The following PSMD8 variants were observed in gnomAD, a reference collection of about 807,000 sequenced individuals.
PSMD8 encodes proteasome 26S subunit, non-ATPase 8, also known as 26S proteasome non-ATPase regulatory subunit 8.
Under a neutral mutation model 40.0 loss-of-function variants are expected in PSMD8, and 30 were observed. The observed-to-expected ratio is 0.75, with a 90% confidence interval of 0.56 to 1.02. The LOEUF is 1.02. PSMD8 is among the 50% of genes least tolerant of loss of function. The pLI is 0.00. For synonymous variants in PSMD8, 208 were observed against 192.5 expected (o/e 1.08, Z -0.67); for missense variants, 461 against 463.9 (o/e 0.99, Z 0.06).
At chr19:38,380,583 G>A (rs1214848626) in intron 4 of PSMD8, among the ~76,000 whole-genome samples, 2 of 150,506 alleles carry the variant, frequency 1.3e-5, no homozygotes, top group Non-Finnish European at 3.0e-5. Context: ...TGGAGCCAGC[G>A]CTGTCTCCCT....
At position 38,380,723 on chromosome 19, in the gene PSMD8, T is replaced by TGTGTGTGTGCGCGCGTGCGCGC. The variant is rs575195574; in HGVS notation, c.703-169_703-168insTGCGCGCGTGCGCGCGTGTGTG. 7.7e-4 allele frequency among the ~76,000 whole-genome samples: 111 copies of TGTGTGTGTGCGCGCGTGCGCGC among 143,996 alleles called. 1 individual carries two copies. Among genetic ancestry groups the TGTGTGTGTGCGCGCGTGCGCGC allele is most frequent in the African/African-American group, 2.6e-3 (102 of 39,498 alleles). 94.5% of individuals were successfully genotyped at this position (143,996 alleles called of 152,430 possible). ...GAGAGAGAGAGTGTGTGTGTGTGTGTGTGTGTGCGCATAAACCAGCAAGGG... is the reference window on the plus strand; with the variant it reads ...GAGAGAGAGAGTGTGTGTGTGTGTGTGTGTGTGTGCGCGCGTGCGCGCGTGTGTGCGCATAAACCAGCAAGGG... On this transcript the variant is annotated intron_variant, in intron 4 of 6. Coordinates refer to ENST00000215071, the MANE Select transcript of PSMD8 (RefSeq NM_002812.5).
intron 3 of PSMD8, among the ~76,000 whole-genome samples, chr19:38,378,562 G>A (rs1362783548): frequency 6.6e-6 from 1 of 151,074 alleles, no homozygotes; most frequent in African/African-American, 2.4e-5. Context: ...TGTAGTCCCA[G>A]CTACTTTGGA....
intron 3 of PSMD8, among the ~76,000 whole-genome samples, chr19:38,376,953 G>T (rs992183794): frequency 1.3e-5 from 2 of 152,214 alleles, no homozygotes; most frequent in African/African-American, 4.8e-5. Context: ...GCTTGGAACT[G>T]TCTCAGTTAC....
Position 38,374,717 on chromosome 19 carries a change from C to T in PSMD8, c.116C>T (p.Pro39Leu), listed in dbSNP as rs1487288093. 4 of 1,546,626 alleles carry T rather than the reference C, an allele frequency of 2.6e-6. No homozygotes were observed. Among genetic ancestry groups the T allele is most frequent in the Admixed American group, 3.9e-5 (2 of 51,482 alleles). The change falls in exon 1 of 7, where the codon CCC becomes CTC. Residue 39 changes from proline (P) to leucine (L), a missense_variant. Physicochemically the swap from Pro to Leu is moderately conservative, Grantham distance 98. Transcript: ENST00000215071. ...PPRALGSTSR[P>L]HFRRASVCRR... Reference sequence around the variant, plus strand: ...CGGGCCTTGGGCTCCACCTCTCGGCCCCACTTCCGCCGGGCAAGCGTTTGT... The same window carrying T: ...CGGGCCTTGGGCTCCACCTCTCGGCTCCACTTCCGCCGGGCAAGCGTTTGT...
intron 4 of PSMD8, among the ~76,000 whole-genome samples, chr19:38,379,881 A>G (rs919330289): frequency 6.6e-6 from 1 of 152,198 alleles, no homozygotes; most frequent in East Asian, 1.9e-4. Flanking sequence ...GGACTGCTTG[A>G]GCCCAGGAGT....
chr19:38,374,834 C>A lies in PSMD8; in HGVS notation c.233C>A (p.Ser78Tyr). The A allele has an allele frequency of 6.3e-7, 1 of 1,576,336 alleles. No individual in the cohort carries two copies. Among genetic ancestry groups the A allele is most frequent in the South Asian group, 1.1e-5 (1 of 87,690 alleles). The change falls in exon 1 of 7, where the codon TCC (serine) becomes TAC (tyrosine). Residue 78 changes from serine (S) to tyrosine (Y), a missense_variant. Ser to Tyr is a moderately radical substitution (Grantham distance 144). Coordinates refer to ENST00000215071, the MANE Select transcript of PSMD8 (RefSeq NM_002812.5). Reference protein sequence around the residue: ...AVNGAAGFSSSGPAATSGAVL... With the variant: ...AVNGAAGFSSYGPAATSGAVL... Reference sequence around the variant, plus strand: ...AACGGGGCGGCAGGCTTCTCGAGCTCCGGGCCCGCGGCAACCTCGGGCGCT... The same window carrying A: ...AACGGGGCGGCAGGCTTCTCGAGCTACGGGCCCGCGGCAACCTCGGGCGCT...
At chr19:38,382,625 C>T in intron 6 of PSMD8, 4 of 371,364 alleles carry the variant, frequency 1.1e-5, no homozygotes, top group Non-Finnish European at 1.5e-5. Flanking sequence ...TGCAGTGGCT[C>T]CCGCGCACCA....
In PSMD8 at chr19:38,382,177, C is replaced by T; in HGVS notation, c.864C>T (p.Thr288=). Residue 288 remains threonine, a synonymous_variant, in exon 6 of 7, where the codon ACC becomes ACT. Coordinates refer to ENST00000215071, the MANE Select transcript of PSMD8 (RefSeq NM_002812.5). The part of the protein sequence containing the change: ...AYEKILFTEA[T]RILFFNTPKK... Reference sequence around the variant, plus strand: ...AGAAAATCCTTTTCACTGAGGCCACCCGGATCCTCTTCTTCAACACACCCA... The same window carrying T: ...AGAAAATCCTTTTCACTGAGGCCACTCGGATCCTCTTCTTCAACACACCCA... 6.3e-7 allele frequency: 1 copy of T among 1,595,788 alleles called. No individual in the cohort carries two copies. Among genetic ancestry groups the T allele is most frequent in the Non-Finnish European group, 8.5e-7 (1 of 1,171,636 alleles).
intron 6 of PSMD8, chr19:38,382,549 C>T (rs1158823742): frequency 1.3e-5 from 7 of 541,068 alleles, no homozygotes; most frequent in Non-Finnish European, 2.3e-5. Context: ...CGTTTGAGCA[C>T]GAGCAACGCT....
rs114256685 is a variant in PSMD8 at position 38,377,325 on chromosome 19, G to A, written c.536+871G>A. 1.9e-3 allele frequency among the ~76,000 whole-genome samples: 288 copies of A among 151,332 alleles called. 2 individuals carry two copies. Among genetic ancestry groups the A allele is most frequent in the African/African-American group, 6.7e-3 (275 of 41,182 alleles). On this transcript the variant is annotated intron_variant, in intron 3 of 6. Coordinates refer to ENST00000215071, the MANE Select transcript of PSMD8 (RefSeq NM_002812.5). ...TACCTTAGCCTCTCAAGTAGCTAGGGCTACAGGTGCACACCACCACTCCTG... is the reference window on the plus strand; with the variant it reads ...TACCTTAGCCTCTCAAGTAGCTAGGACTACAGGTGCACACCACCACTCCTG...
rs1600500490 is a variant in PSMD8 at position 38,383,448 on chromosome 19, G to C, written c.*58G>C. 6.2e-7 allele frequency: 1 copy of C among 1,602,728 alleles called. No individual in the cohort carries two copies. Among genetic ancestry groups the C allele is most frequent in the Middle Eastern group, 1.7e-4 (1 of 6,030 alleles). ...GTTATTTAAAACAGTTACACTGCAG[G>C]GTTTCGCCCAATAAAGGTGGACTGA... On this transcript the variant is annotated 3_prime_UTR_variant, in exon 7 of 7. Transcript: ENST00000215071.
chr19:38,378,739 A>C (rs1207871745), intron 3 of PSMD8, among the ~76,000 whole-genome samples: 2 of 151,440 alleles, frequency 1.3e-5, no homozygotes, highest in Non-Finnish European at 2.9e-5. Context: ...GGATCACGAG[A>C]TCAGGAGTTC....
At chr19:38,381,643 C>T (rs2080811483) in intron 5 of PSMD8, among the ~76,000 whole-genome samples, 1 of 152,174 alleles carries the variant, frequency 6.6e-6, no homozygotes, top group Non-Finnish European at 1.5e-5. Flanking sequence ...GGCACTCCTC[C>T]CCATCACTGG....
chr19:38,381,473 T>C (rs1970640103), intron 5 of PSMD8, among the ~76,000 whole-genome samples: 1 of 151,514 alleles, frequency 6.6e-6, no homozygotes, highest in Non-Finnish European at 1.5e-5. Context: ...CCTTGAGGAG[T>C]AAAAGGGTGT....
intron 1 of PSMD8, among the ~76,000 whole-genome samples, 164 bp from the exon 2 acceptor site, chr19:38,375,996 G>A (rs1214810613): frequency 1.3e-5 from 2 of 152,190 alleles, no homozygotes; most frequent in East Asian, 1.9e-4. Flanking sequence ...CATGTGTTGC[G>A]TGCTCAGGCC....
At chr19:38,376,709 C>T (rs945589066) in intron 3 of PSMD8, among the ~76,000 whole-genome samples, 1 of 152,170 alleles carries the variant, frequency 6.6e-6, no homozygotes, top group Non-Finnish European at 1.5e-5. Flanking sequence ...GTGTCCTGGC[C>T]CCAGCCTTGC....
intron 3 of PSMD8, 127 bp downstream of exon 3, chr19:38,376,581 T>A: frequency 2.4e-6 from 2 of 832,194 alleles, no homozygotes; most frequent in Non-Finnish European, 3.9e-6. Flanking sequence ...CTCTCCTCAG[T>A]GGTGCAGGGT....
chr19:38,379,393 G>A lies in PSMD8; in HGVS notation c.690G>A (p.Val230=). 1 of 1,613,946 alleles carries A rather than the reference G, an allele frequency of 6.2e-7. No homozygotes were observed. Among genetic ancestry groups the A allele is most frequent in the South Asian group, 1.1e-5 (1 of 91,088 alleles). The change falls in exon 4 of 7, where the codon GTG becomes GTA. Residue 230 remains valine (V), a synonymous_variant. Coordinates refer to ENST00000215071, the MANE Select transcript of PSMD8 (RefSeq NM_002812.5). ...CCAATGTCTACATCAAGCACCCAGT[G>A]TCCCTGGAGCAAGTGAGATGGCAAG... ...IQTNVYIKHP[V]SLEQYLMEGS...
intron 3 of PSMD8, among the ~76,000 whole-genome samples, chr19:38,378,876 C>T (rs1250374195): frequency 6.6e-5 from 10 of 152,028 alleles, no homozygotes. Flanking sequence ...TCGCTTGAAC[C>T]CGGCAAGCGG....
Sources: gnomAD v4.1 joint callset for allele counts (sites outside exome capture counted in the v4.1 genomes callset) on GRCh38, gnomAD v4.1.1 for gene constraint, MANE v1.5 for transcripts, NCBI Gene and HGNC (gene_info 2026-07-23, HGNC 2026-07-21) for gene names.